SEMA3D: variants seen among roughly 807,000 people sequenced by gnomAD.
SEMA3D encodes the protein semaphorin 3D.
In SEMA3D, 84 loss-of-function variants were observed where a neutral mutation model predicts 100.1. The ratio of observed to expected loss-of-function variants is 0.84; its 90% CI spans 0.70 to 1.01. The LOEUF (loss-of-function observed/expected upper bound fraction) is 1.01. Ranked by LOEUF, SEMA3D falls within the 50% of genes least tolerant of loss-of-function variation. SEMA3D has a pLI of 0.00. For synonymous variants in SEMA3D, 312 were observed against 320.7 expected, an observed-to-expected ratio of 0.97 and a Z score of 0.29; for missense variants, 875 against 934.1, an observed-to-expected ratio of 0.94 and a Z score of 0.82.
chr7:85,028,329 A>G (rs1195907553), intron 12 of SEMA3D: 6 of 671,878 alleles, frequency 8.9e-6, no homozygotes, highest in Admixed American at 5.9e-5. Context: ...GCTGGTCTCA[A>G]TGTACTTGGA....
intron 3 of SEMA3D, among the ~76,000 whole-genome samples, chr7:85,104,784 AAAAAGAAAAG>A (rs572885937): frequency 1.3e-5 from 2 of 151,968 alleles, no homozygotes; most frequent in Admixed American, 1.3e-4. Flanking sequence ...AGATTAAAAA[AAAAAGAAAAG>A]AAAAGAAAAG....
the SEMA3D span, among the ~76,000 whole-genome samples, chr7:85,200,751 C>T: frequency 6.6e-6 from 1 of 152,170 alleles, no homozygotes; most frequent in Non-Finnish European, 1.5e-5. Context: ...TAGAGGTCTT[C>T]AGGGCAGCCC....
chr7:85,165,216 A>G (rs1447044139), intron 1 of SEMA3D, among the ~76,000 whole-genome samples: 1 of 151,726 alleles, frequency 6.6e-6, no homozygotes, highest in Admixed American at 6.6e-5. Flanking sequence ...AAAGTATAAT[A>G]ATAATAATAA....
At chr7:85,202,061 A>T in the SEMA3D span, among the ~76,000 whole-genome samples, 62 of 151,274 alleles carry the variant, frequency 4.1e-4, no homozygotes, top group African/African-American at 1.4e-3. Flanking sequence ...TATTATTATT[A>T]TTTTTTATTA....
At chr7:85,077,260 A>G (rs566381636) in intron 5 of SEMA3D, among the ~76,000 whole-genome samples, 2 of 152,208 alleles carry the variant, frequency 1.3e-5, no homozygotes, top group East Asian at 3.9e-4. Flanking sequence ...TAAAAGTGCA[A>G]AAGAAAACAT....
the SEMA3D span, among the ~76,000 whole-genome samples, chr7:85,231,693 G>A: frequency 1.3e-5 from 2 of 151,890 alleles, no homozygotes; most frequent in Admixed American, 6.6e-5. Context: ...TTTGTGATCC[G>A]CCCCCCTCAG....
At chr7:85,108,784 T>C (rs1789004940) in intron 3 of SEMA3D, among the ~76,000 whole-genome samples, 1 of 152,032 alleles carries the variant, frequency 6.6e-6, no homozygotes, top group Non-Finnish European at 1.5e-5. Flanking sequence ...CAATTCTAAA[T>C]TGGTCAAATT....
rs1789492046 is a variant in SEMA3D, at chr7:84,996,075, C to T, written c.*3365G>A. The T allele has an allele frequency of 6.6e-6, 1 of 151,080 alleles. No individual in the cohort carries two copies. 9.4% of individuals were successfully genotyped at this position (151,080 alleles called of 1,614,324 possible). A position where few individuals can be genotyped will look rare whatever the true frequency, so the allele number is the denominator to read the frequency against. On this transcript the variant is annotated 3_prime_UTR_variant, in exon 19 of 19. Transcript: ENST00000284136. ...AAAAATGTGACATTCTAAAGGGAGG[C>T]TATTTCAGTTTTGATTTCCATTTGT...
intron 1 of SEMA3D, among the ~76,000 whole-genome samples, chr7:85,185,342 C>T (rs942130991): frequency 6.6e-6 from 1 of 151,882 alleles, no homozygotes; most frequent in Non-Finnish European, 1.5e-5. Context: ...TCTCTGCGCG[C>T]CCCCACCCCG....
intron 2 of SEMA3D, among the ~76,000 whole-genome samples, chr7:85,122,746 C>A (rs750737496): frequency 7.9e-5 from 12 of 152,050 alleles, no homozygotes; most frequent in Non-Finnish European, 1.8e-4. Context: ...AGGCCTGGAA[C>A]AATGCAATGT....
At chr7:85,119,272 C>A (rs1348913175) in intron 3 of SEMA3D, among the ~76,000 whole-genome samples, 1 of 152,114 alleles carries the variant, frequency 6.6e-6, no homozygotes, top group Non-Finnish European at 1.5e-5. Context: ...TGGGTATATA[C>A]CCCCAAAATA....
At chr7:85,008,141 G>C (rs1276450438) in intron 17 of SEMA3D, among the ~76,000 whole-genome samples, 1 of 151,724 alleles carries the variant, frequency 6.6e-6, no homozygotes, top group East Asian at 1.9e-4. Flanking sequence ...TCATGGAAAA[G>C]AAAGACATGC....
At chr7:85,195,134 G>T in the SEMA3D span, among the ~76,000 whole-genome samples, 3 of 152,040 alleles carry the variant, frequency 2.0e-5, no homozygotes, top group African/African-American at 7.2e-5. Flanking sequence ...CGCCTGCTAG[G>T]ATTTATCTTG....
At chr7:85,140,849 T>A (rs1384153368) in intron 2 of SEMA3D, 3 of 840,190 alleles carry the variant, frequency 3.6e-6, no homozygotes, top group African/African-American at 1.8e-5. Context: ...CATTCTACCA[T>A]TAAAAAAATG....
At chr7:85,023,595 T>C (rs1790313777) in intron 12 of SEMA3D, among the ~76,000 whole-genome samples, 1 of 151,884 alleles carries the variant, frequency 6.6e-6, no homozygotes, top group Admixed American at 6.6e-5. Flanking sequence ...TGCTTTTCTT[T>C]GTTTCAGTTT....
intron 12 of SEMA3D, among the ~76,000 whole-genome samples, chr7:85,035,512 T>C (rs919472010): frequency 6.6e-6 from 1 of 151,950 alleles, no homozygotes; most frequent in African/African-American, 2.4e-5. Flanking sequence ...ATGATTCCAC[T>C]TATATAAGGT....
intron 3 of SEMA3D, among the ~76,000 whole-genome samples, chr7:85,115,314 T>C (rs1416089806): frequency 6.6e-6 from 1 of 152,118 alleles, no homozygotes; most frequent in Non-Finnish European, 1.5e-5. Context: ...CTCGGTATCC[T>C]CATACATAAG....
the SEMA3D span, among the ~76,000 whole-genome samples, chr7:85,225,691 T>C: frequency 2.6e-5 from 4 of 152,106 alleles, no homozygotes; most frequent in Non-Finnish European, 2.9e-5. Context: ...ACACGCCCAC[T>C]GGGGCTTTAG....
Position 85,097,933 on chromosome 7 carries a change from A to C in SEMA3D, c.184T>G (p.Leu62Val). The change falls in exon 4 of 19, where the codon TTG becomes GTG. Residue 62 changes from leucine (L) to valine (V), a missense_variant. Coordinates refer to ENST00000284136, the MANE Select transcript of SEMA3D (RefSeq NM_001384900.1). ...LLLSNSCIPF[L>V]GSSEGLDFQT... ...AAATCCAGTCCTTCTGATGAACCCA[A>C]AAAGGGAATACAGCTATTTGAAAGC... 15 of 1,606,048 alleles carry C rather than the reference A, an allele frequency of 9.3e-6. No homozygotes were observed. The highest frequency in any genetic ancestry group is 1.3e-5 in the Non-Finnish European group (15 of 1,174,848).
Sources: allele counts gnomAD v4.1 joint callset (sites outside exome capture counted in the v4.1 genomes callset), GRCh38; gene constraint gnomAD v4.1.1; transcripts MANE v1.5; gene names NCBI Gene and HGNC (gene_info 2026-07-23, HGNC 2026-07-21).